The following COL26A1 variants were observed in gnomAD, a reference collection of about 807,000 sequenced individuals.
The protein encoded by COL26A1 is collagen alpha-1(XXVI) chain.
In COL26A1, 41 loss-of-function variants were observed where a neutral mutation model predicts 59.3. The observed-to-expected ratio is 0.69, with a 90% confidence interval of 0.54 to 0.90. The LOEUF (loss-of-function observed/expected upper bound fraction) is 0.90. Among genes scored for constraint, COL26A1 ranks in the 40% least tolerant of loss-of-function variants. The pLI, the probability that COL26A1 is intolerant of heterozygous loss-of-function variation, is 0.00. For missense variants in COL26A1, 612 were observed against 602.3 expected (o/e 1.02, Z -0.17); for synonymous variants, 266 against 256.0 (o/e 1.04, Z -0.37).
intron 3 of COL26A1, among the ~76,000 whole-genome samples, chr7:101,495,610 G>A (rs144579560): frequency 1.0e-3 from 157 of 151,040 alleles, no homozygotes; most frequent in African/African-American, 3.7e-3. Flanking sequence ...TAGTTGAGAC[G>A]GGGTTTCACC....
chr7:101,372,615 G>A (rs1402217354), intron 1 of COL26A1, among the ~76,000 whole-genome samples: 1 of 152,196 alleles, frequency 6.6e-6, no homozygotes, highest in African/African-American at 2.4e-5. Flanking sequence ...CAGTGACTGG[G>A]GCATTCTGGG....
chr7:101,552,428 A>G (rs938249290), intron 10 of COL26A1, among the ~76,000 whole-genome samples: 17 of 152,026 alleles, frequency 1.1e-4, no homozygotes, highest in African/African-American at 4.1e-4. Context: ...TGGACAACAT[A>G]GTGAGACCCA....
rs140543982 is a variant in COL26A1, at chr7:101,459,284, TTTTGTTTG to T, written c.385+11512_385+11519del. 5.3e-5 allele frequency among the ~76,000 whole-genome samples: 8 copies of T among 151,966 alleles called. No homozygotes were observed. The South Asian group carries it at 8.3e-4, about 16-fold the overall frequency. ...TAAGGTGGCCTTGTCCCTAGAGTTC[TTTTGTTTG>T]TTTGTTTGTTTGTTGTTTGTTTTTT... On this transcript the variant is annotated intron_variant, in intron 3 of 12. Coordinates refer to ENST00000313669, the MANE Select transcript of COL26A1 (RefSeq NM_001278563.3).
chr7:101,517,686 A>G (rs946175101), intron 3 of COL26A1, among the ~76,000 whole-genome samples: 7 of 151,620 alleles, frequency 4.6e-5, no homozygotes, highest in African/African-American at 7.3e-5. Context: ...CCATTTCACC[A>G]TCTCTTGCCC....
chr7:101,429,181 C>CCCAAAGTG (rs1792718714), intron 2 of COL26A1, among the ~76,000 whole-genome samples: 1 of 152,156 alleles, frequency 6.6e-6, no homozygotes, highest in African/African-American at 2.4e-5. Flanking sequence ...ACCTCAGCCT[C>CCCAAAGTG]CCAAAGTGCT....
chr7:101,520,365 T>C (rs953301717), intron 3 of COL26A1, among the ~76,000 whole-genome samples: 1 of 152,102 alleles, frequency 6.6e-6, no homozygotes, highest in Admixed American at 6.6e-5. Flanking sequence ...GAGCCTTTTA[T>C]AGCCAAATCA....
At chr7:101,550,036 G>A (rs1795827335) in intron 9 of COL26A1, among the ~76,000 whole-genome samples, 1 of 152,200 alleles carries the variant, frequency 6.6e-6, no homozygotes. Flanking sequence ...GCAATGGAGT[G>A]TGTGGTGTCG....
At chr7:101,499,999 A>G (rs1175689696) in intron 3 of COL26A1, among the ~76,000 whole-genome samples, 3 of 152,130 alleles carry the variant, frequency 2.0e-5, no homozygotes, top group Admixed American at 2.0e-4. Flanking sequence ...GGACATTCCC[A>G]TAACCATTTG....
At chr7:101,501,754 A>G (rs947633463) in intron 3 of COL26A1, among the ~76,000 whole-genome samples, 2 of 152,156 alleles carry the variant, frequency 1.3e-5, no homozygotes, top group Non-Finnish European at 2.9e-5. Context: ...CATAGAAAGT[A>G]TGTGTGTGTG....
At chr7:101,452,263 G>T (rs1026850326) in intron 3 of COL26A1, among the ~76,000 whole-genome samples, 1 of 152,122 alleles carries the variant, frequency 6.6e-6, no homozygotes, top group Non-Finnish European at 1.5e-5. Context: ...GCAGCAGGTG[G>T]CAGGACCGTG....
At chr7:101,539,818 A>C in intron 4 of COL26A1, 75 bp from the exon 5 acceptor site, 2 of 1,437,392 alleles carry the variant, frequency 1.4e-6, no homozygotes, top group Non-Finnish European at 1.9e-6. Flanking sequence ...GTGCACATGC[A>C]TGTCCCTGTG....
chr7:101,419,906 A>C, intron 1 of COL26A1, 71 bp from the exon 2 acceptor site: 8 of 1,562,888 alleles, frequency 5.1e-6, no homozygotes, highest in Non-Finnish European at 7.0e-6. Flanking sequence ...CCTGTCCAGC[A>C]CGGCCCCCTG....
chr7:101,486,819 G>T (rs974385900), intron 3 of COL26A1, among the ~76,000 whole-genome samples: 1 of 152,208 alleles, frequency 6.6e-6, no homozygotes, highest in Admixed American at 6.5e-5. Flanking sequence ...GATCAGAAAC[G>T]TAATGGATTC....
At chr7:101,462,917 G>T (rs1562992693) in intron 3 of COL26A1, among the ~76,000 whole-genome samples, 1 of 152,134 alleles carries the variant, frequency 6.6e-6, no homozygotes, top group Non-Finnish European at 1.5e-5. Flanking sequence ...GAGTGATGGG[G>T]CCGGGACACT....
chr7:101,383,563 C>CT, intron 1 of COL26A1, among the ~76,000 whole-genome samples: 1 of 150,890 alleles, frequency 6.6e-6, no homozygotes, highest in Non-Finnish European at 1.5e-5. Flanking sequence ...GAGACAGAGT[C>CT]TCGCTCTGTT....
chr7:101,508,626 AAAGC>A (rs1185829887), intron 3 of COL26A1, among the ~76,000 whole-genome samples: 1 of 150,968 alleles, frequency 6.6e-6, no homozygotes, highest in African/African-American at 2.4e-5. Context: ...CCTCTCTCCT[AAAGC>A]ATGCCCGGGC....
chr7:101,539,003 G>A (rs920605866), intron 4 of COL26A1, among the ~76,000 whole-genome samples: 11 of 152,188 alleles, frequency 7.2e-5, no homozygotes, highest in Non-Finnish European at 1.5e-4. Flanking sequence ...TGGCCTCTTC[G>A]GGGGCAGCAG....
rs559042094 is a variant in COL26A1 at position 101,507,512 on chromosome 7, C to T, written c.386-25570C>T. Among the ~76,000 whole-genome samples, 3 of 152,280 alleles carry T rather than the reference C, an allele frequency of 2.0e-5. No individual in the cohort carries two copies. The South Asian group carries it at 6.2e-4, about 32-fold the overall frequency. On this transcript the variant is annotated intron_variant, in intron 3 of 12. Coordinates refer to ENST00000313669, the MANE Select transcript of COL26A1 (RefSeq NM_001278563.3). ...TCACAGTTCACTGCAACCTCCACCT[C>T]CCCGCCTCAGGTGATCCTCCCACTT...
rs888805734 is a variant in COL26A1, at chr7:101,374,213, G to A, written c.158+11023G>A. Among the ~76,000 whole-genome samples, 13 of 152,064 alleles carry A rather than the reference G, an allele frequency of 8.5e-5. 1 individual carries two copies. Among genetic ancestry groups the A allele is most frequent in the Non-Finnish European group, 8.8e-5 (6 of 68,022 alleles). On this transcript the variant is annotated intron_variant, in intron 1 of 12. Coordinates refer to ENST00000313669, the MANE Select transcript of COL26A1 (RefSeq NM_001278563.3). ...AAACCAGGGTCTAGAGCTTCTCTTC[G>A]GAGTCCTGTAACAGACTACCCTGAA... is the stretch of plus-strand genomic sequence containing the variant.
Sources: gnomAD v4.1 joint callset for allele counts (sites outside exome capture counted in the v4.1 genomes callset) on GRCh38, gnomAD v4.1.1 for gene constraint, MANE v1.5 for transcripts, NCBI Gene and HGNC (gene_info 2026-07-23, HGNC 2026-07-21) for gene names.